The following TOLLIP variants were observed in gnomAD, a reference collection of about 807,000 sequenced individuals.
TOLLIP encodes the protein toll interacting protein, also known as toll-interacting protein.
TOLLIP carries 16 observed loss-of-function variants against 33.5 expected under a neutral mutation model. The ratio of observed to expected loss-of-function variants is 0.48; its 90% CI spans 0.32 to 0.72. TOLLIP has a LOEUF of 0.72. TOLLIP is among the 30% of genes least tolerant of loss of function. The pLI, the probability that TOLLIP is intolerant of heterozygous loss-of-function variation, is 0.03. For missense variants in TOLLIP, 325 were observed against 396.6 expected (o/e 0.82, Z 1.53); for synonymous variants, 176 against 163.7 (o/e 1.07, Z -0.57).
chr11:1,276,874 C>T lies in TOLLIP; in HGVS notation c.*165G>A. ...GTCCTGGACCGCCAGGAACCGAAAACCCACATGCACCCAAGAACAGGTGTG... is the reference window on the plus strand; with the variant it reads ...GTCCTGGACCGCCAGGAACCGAAAATCCACATGCACCCAAGAACAGGTGTG... On this transcript the variant is annotated 3_prime_UTR_variant, in exon 6 of 6. Coordinates refer to ENST00000317204, the MANE Select transcript of TOLLIP (RefSeq NM_019009.4). 1 of 1,543,046 alleles carries T rather than the reference C, an allele frequency of 6.5e-7. No individual in the cohort carries two copies.
At chr11:1,298,914 C>T (rs560313521) in intron 1 of TOLLIP, among the ~76,000 whole-genome samples, 2 of 152,356 alleles carry the variant, frequency 1.3e-5, no homozygotes, top group East Asian at 3.9e-4. Context: ...CCCAAAAACA[C>T]AAGGAAAGCC....
In TOLLIP at chr11:1,276,637, A is replaced by T. The variant is rs570211643; in HGVS notation, c.*402T>A. ...AGTGTGAGGGATTGTGTGTGCCTTAAATCAACAGCTCTATTCCAATTACAT... is the reference window on the plus strand; with the variant it reads ...AGTGTGAGGGATTGTGTGTGCCTTATATCAACAGCTCTATTCCAATTACAT... On this transcript the variant is annotated 3_prime_UTR_variant, in exon 6 of 6. Transcript: ENST00000317204. 7.7e-7 allele frequency: 1 copy of T among 1,300,268 alleles called. No individual in the cohort carries two copies. The highest frequency in any genetic ancestry group is 5.2e-5 in the East Asian group (1 of 19,158). 80.5% of individuals were successfully genotyped at this position (1,300,268 alleles called of 1,614,324 possible). A position where few individuals can be genotyped will look rare whatever the true frequency, so the allele number is the denominator to read the frequency against.
intron 1 of TOLLIP, chr11:1,306,200 T>C (rs1864418212): frequency 6.6e-6 from 1 of 152,180 alleles, no homozygotes; most frequent in Non-Finnish European, 1.5e-5. Context: ...CAGGGAACCA[T>C]TATCCTGAAG....
In TOLLIP at chr11:1,286,024, G is replaced by A. The variant is rs200881444; in HGVS notation, c.588C>T (p.Gly196=). 5.3e-4 allele frequency: 842 copies of A among 1,596,552 alleles called. 7 individuals carry two copies. The East Asian group carries it at 0.017, about 33-fold the overall frequency. The change falls in exon 5 of 6, where the codon GGC becomes GGT. Residue 196 remains glycine, a synonymous_variant. Transcript: ENST00000317204. ...CACCTGTGATGGGCACATAGCCAAC[G>A]CCCTGCTGGTACACTGTTGGCATCA... ...VVLMPTVYQQ[G]VGYVPITGMP... is the part of the protein sequence containing the mutation.
rs563178913 is a variant in TOLLIP, at chr11:1,295,854, C to G, written c.34-60G>C. ...AGGGTGGGGGCACAAAGCAGCCCGA[C>G]AGCAGCTGCCCCCGGCATTCCCGCG... On this transcript the variant is annotated intron_variant, in intron 1 of 5. Transcript: ENST00000317204. 9 of 1,492,848 alleles carry G rather than the reference C, an allele frequency of 6.0e-6. No individual in the cohort carries two copies. The South Asian group carries it at 1.0e-4, about 17-fold the overall frequency. 92.5% of individuals were successfully genotyped at this position (1,492,848 alleles called of 1,614,324 possible).
chr11:1,291,062 T>C (rs571251562), intron 2 of TOLLIP: 3 of 152,484 alleles, frequency 2.0e-5, no homozygotes, highest in Non-Finnish European at 4.4e-5. Context: ...GGCAGGGACA[T>C]TTGAGGTCCT....
intron 2 of TOLLIP, among the ~76,000 whole-genome samples, chr11:1,294,063 C>T (rs3793968): frequency 0.066 from 9,947 of 151,180 alleles, 398 homozygotes; most frequent in Admixed American, 0.093. Context: ...ATGAAAGCCG[C>T]GTGGCTCACA....
chr11:1,286,128 G>A, intron 4 of TOLLIP, 36 bp from the exon 5 acceptor site: 2 of 1,518,252 alleles, frequency 1.3e-6, no homozygotes, highest in Non-Finnish European at 9.0e-7. Flanking sequence ...GGGTCAAGGA[G>A]GAACATCCAC....
chr11:1,283,473 G>T (rs1487696113), intron 5 of TOLLIP: 1 of 391,108 alleles, frequency 2.6e-6, no homozygotes, highest in Admixed American at 2.9e-5. Flanking sequence ...GCATGCCTGG[G>T]CATGGGGGCT....
intron 1 of TOLLIP, among the ~76,000 whole-genome samples, chr11:1,304,036 A>G (rs1392191357): frequency 2.1e-5 from 3 of 142,312 alleles, no homozygotes; most frequent in African/African-American, 7.9e-5. Context: ...CCTCCATGTA[A>G]AAAAAAAAAA....
chr11:1,277,322 A>G lies in TOLLIP; in HGVS notation c.611-69T>C. 1 of 1,315,880 alleles carries G rather than the reference A, an allele frequency of 7.6e-7. No individual in the cohort carries two copies. 81.5% of individuals were successfully genotyped at this position (1,315,880 alleles called of 1,614,324 possible). A position where few individuals can be genotyped will look rare whatever the true frequency, so the allele number is the denominator to read the frequency against. ...AGAAGTGCCACACTAGCTCCTGCTG[A>G]AGGAAGAAAACAACGCATCCCACCG... On this transcript the variant is annotated intron_variant, in intron 5 of 5. Transcript: ENST00000317204. The surrounding 1 kb of genome is among the most constrained non-coding windows in gnomAD (Gnocchi z 4.2).
chr11:1,283,102 G>C (rs1241516738), intron 5 of TOLLIP, among the ~76,000 whole-genome samples: 1 of 152,236 alleles, frequency 6.6e-6, no homozygotes, highest in African/African-American at 2.4e-5. Context: ...AGAGCCCGCC[G>C]TGAGGGACGA....
intron 2 of TOLLIP, among the ~76,000 whole-genome samples, chr11:1,293,545 CAG>C (rs1287705563): frequency 2.0e-5 from 3 of 152,256 alleles, no homozygotes; most frequent in Non-Finnish European, 4.4e-5. Context: ...AAGCAGGAAA[CAG>C]GGGCTGAGCT....
intron 4 of TOLLIP, among the ~76,000 whole-genome samples, chr11:1,288,335 G>A (rs574983645): frequency 2.6e-5 from 4 of 152,114 alleles, no homozygotes; most frequent in Non-Finnish European, 5.9e-5. Flanking sequence ...CGAGGACACA[G>A]GGGCCTGCAG....
Position 1,283,681 on chromosome 11 carries a change from AATTAGGG to A in TOLLIP, c.610+2314_610+2320del, listed in dbSNP as rs924524561. On this transcript the variant is annotated intron_variant, in intron 5 of 5. Coordinates refer to ENST00000317204, the MANE Select transcript of TOLLIP (RefSeq NM_019009.4). ...AAACTTGAAAGGCATCTACAAAGAG[AATTAGGG>A]ATAGGAACCAGAAAGAGGTAAGCCA... 8.8e-5 allele frequency: 37 copies of A among 418,156 alleles called. No individual in the cohort carries two copies. In the Admixed American group the frequency reaches 1.0e-3, roughly 11 times the overall value. The allele number at this position is 418,156 out of a possible 1,614,324, so 25.9% of individuals were successfully genotyped here.
rs530540178 is a variant in TOLLIP at position 1,291,404 on chromosome 11, C to T, written c.184-995G>A. Among the ~76,000 whole-genome samples the T allele has an allele frequency of 3.8e-3, 574 of 152,024 alleles. 2 individuals carry two copies. The highest frequency in any genetic ancestry group is 0.013 in the African/African-American group (532 of 41,444). ...CCGGCCCTCCCACCCACATGGAGCC[C>T]GCCAGTTCCTCCTTCCCAGTGGAAC... On this transcript the variant is annotated intron_variant, in intron 2 of 5. Coordinates refer to ENST00000317204, the MANE Select transcript of TOLLIP (RefSeq NM_019009.4).
rs562675977 is a variant in TOLLIP, at chr11:1,295,680, C to A, written c.148G>T (p.Gly50Cys). Residue 50 changes from glycine to cysteine, a missense_variant, in exon 2 of 6, where the codon GGC becomes TGC. Transcript: ENST00000317204. ...GTGATGTTCAGTCGGCCCACGGTGC[C>A]CACTGCGCCTCCGTACTGCAGCTGC... ...AQQLQYGGAV[G>C]TVGRLNITVV... is the part of the protein sequence containing the mutation. The A allele has an allele frequency of 1.9e-6, 3 of 1,605,866 alleles. No homozygotes were observed. The South Asian group carries it at 3.3e-5, about 18-fold the overall frequency.
intron 4 of TOLLIP, among the ~76,000 whole-genome samples, chr11:1,287,387 CTG>C (rs1863751619): frequency 7.5e-6 from 1 of 132,628 alleles, no homozygotes; most frequent in Non-Finnish European, 1.6e-5. Context: ...AAGCAGCTCC[CTG>C]CTGCTGCCTC....
chr11:1,305,125 G>A (rs536245550), intron 1 of TOLLIP, among the ~76,000 whole-genome samples: 58 of 152,340 alleles, frequency 3.8e-4, no homozygotes, highest in African/African-American at 1.3e-3. Context: ...TATCTTCCAA[G>A]AGGCCCGTGG....
Sources: allele counts gnomAD v4.1 joint callset (sites outside exome capture counted in the v4.1 genomes callset), GRCh38; gene constraint gnomAD v4.1.1; non-coding constraint Gnocchi (gnomAD v3.1); transcripts MANE v1.5; gene names NCBI Gene and HGNC (gene_info 2026-07-23, HGNC 2026-07-21).